POP4: variants seen among roughly 807,000 people sequenced by gnomAD.
POP4 encodes the protein POP4 ribonuclease P/MRP subunit, also known as ribonuclease P protein subunit p29.
POP4 carries 31 observed loss-of-function variants against 29.9 expected under a neutral mutation model. The ratio of observed to expected loss-of-function variants is 1.04; its 90% confidence interval spans 0.78 to 1.40. POP4 has a LOEUF of 1.40. POP4 is among the 40% of genes most tolerant of loss of function. POP4 has a pLI of 0.00. For synonymous variants in POP4, 110 were observed against 108.2 expected (o/e 1.02, Z -0.10); for missense variants, 286 against 282.7 (o/e 1.01, Z -0.08).
At chr19:29,614,256 G>A (rs899441676) in intron 6 of POP4, among the ~76,000 whole-genome samples, 12 of 152,220 alleles carry the variant, frequency 7.9e-5, no homozygotes, top group Non-Finnish European at 8.8e-5. Context: ...TAGGCCCCAG[G>A]AGAGGGCCTC....
chr19:29,613,934 A>C lies in POP4; in HGVS notation c.488A>C (p.His163Pro), dbSNP rs1971102180. Reference protein sequence around the residue: ...ITGILLQETKHIFKIITKEDR... With the variant: ...ITGILLQETKPIFKIITKEDR... ...GGAATCCTTCTACAGGAAACAAAGC[A>C]CATTTTCAAAATTATCACCAAAGAA... The change falls in exon 6 of 7, where the codon CAC (histidine) becomes CCC (proline). Residue 163 changes from histidine to proline, a missense_variant. Transcript: ENST00000585603. 6.2e-7 allele frequency: 1 copy of C among 1,613,832 alleles called. No homozygotes were observed. Among genetic ancestry groups the C allele is most frequent in the Non-Finnish European group, 8.5e-7 (1 of 1,179,924 alleles).
rs534631594 is a variant in POP4 at position 29,610,471 on chromosome 19, C to A, written c.123C>A (p.Arg41=). 2 of 1,604,962 alleles carry A rather than the reference C, an allele frequency of 1.2e-6. No homozygotes were observed. Among genetic ancestry groups the A allele is most frequent in the South Asian group, 2.2e-5 (2 of 89,840 alleles). ...CCTTCCTGAAGCGCAGCACGCCCCG[C>A]ATGAGCCCGCAGGCCCGCGAGGACC... ...VRAFLKRSTP[R]MSPQAREDQL... Residue 41 remains arginine (R), a synonymous_variant, in exon 3 of 7, where the codon CGC becomes CGA. Transcript: ENST00000585603.
In POP4 at chr19:29,611,923, G is replaced by A; in HGVS notation, c.346G>A (p.Gly116Arg). 1 of 1,614,070 alleles carries A rather than the reference G, an allele frequency of 6.2e-7. No homozygotes were observed. The highest frequency in any genetic ancestry group is 2.2e-5 in the East Asian group (1 of 44,890). The change falls in exon 4 of 7, where the codon GGG becomes AGG. Residue 116 changes from glycine to arginine, a missense_variant. Transcript: ENST00000585603. ...ACAGTACATCAGGGACCTGTGCAGT[G>A]GGCTCAAGCCAGACACGTAAGTTGC... is the stretch of plus-strand genomic sequence containing the variant. The part of the protein sequence containing the change: ...WKQYIRDLCS[G>R]LKPDTQPQMI...
chr19:29,607,887 A>C (rs1971018601), intron 1 of POP4, among the ~76,000 whole-genome samples: 1 of 152,224 alleles, frequency 6.6e-6, no homozygotes, highest in South Asian at 2.1e-4. Context: ...ATATCATATA[A>C]CTTTTAATGA....
Position 29,613,875 on chromosome 19 carries a change from A to G in POP4, c.429A>G (p.Thr143=). ...ADLHGAIISV[T]KSKCPSYVGI... Reference sequence around the variant, plus strand: ...AACTGTCCTTTTTCTTTGCAGTGACAAAATCCAAATGCCCCTCTTATGTGG... The same window carrying G: ...AACTGTCCTTTTTCTTTGCAGTGACGAAATCCAAATGCCCCTCTTATGTGG... The change falls in exon 6 of 7, where the codon ACA becomes ACG. Residue 143 remains threonine, a synonymous_variant. Transcript: ENST00000585603. 1.2e-6 allele frequency: 2 copies of G among 1,612,154 alleles called. No individual in the cohort carries two copies. Among genetic ancestry groups the G allele is most frequent in the Non-Finnish European group, 1.7e-6 (2 of 1,179,268 alleles).
Position 29,614,710 on chromosome 19 carries a change from G to T in POP4, c.527-534G>T, listed in dbSNP as rs534464310. 9.9e-5 allele frequency among the ~76,000 whole-genome samples: 15 copies of T among 152,100 alleles called. No individual in the cohort carries two copies. In the East Asian group the frequency reaches 2.5e-3, roughly 25 times the overall value. ...GTAGAGGCAGGGTTTCACCATGTTG[G>T]ACAGGCTGGTCTCAAACTCCTGAAC... On this transcript the variant is annotated intron_variant, in intron 6 of 6. Transcript: ENST00000585603.
At chr19:29,608,844 C>A in intron 2 of POP4, 135 bp downstream of exon 2, 1 of 848,818 alleles carries the variant, frequency 1.2e-6, no homozygotes, top group Non-Finnish European at 1.9e-6. Flanking sequence ...ACATCTAAGG[C>A]TGGATCAAAG....
Position 29,615,308 on chromosome 19 carries a change from G to A in POP4, c.591G>A (p.Gly197=), listed in dbSNP as rs899078416. The A allele has an allele frequency of 1.7e-5, 27 of 1,612,578 alleles. No homozygotes were observed. The highest frequency in any genetic ancestry group is 6.7e-5 in the African/African-American group (5 of 74,398). ...ATGGCTTTATTTCCTACATTTACGG[G>A]AGCAAATTCCAGCTTCGGTCAAGTG... ...ETDGFISYIY[G]SKFQLRSSER... Residue 197 remains glycine, a synonymous_variant, in exon 7 of 7, where the codon GGG becomes GGA. Coordinates refer to ENST00000585603, the MANE Select transcript of POP4 (RefSeq NM_006627.3).
intron 3 of POP4, 30 bp from the exon 4 acceptor site, chr19:29,611,832 A>T: frequency 6.3e-7 from 1 of 1,592,702 alleles, no homozygotes; most frequent in South Asian, 1.1e-5. Flanking sequence ...ATGTTGTCTA[A>T]CTTTTTCCCT....
chr19:29,609,486 A>G (rs1346565825), intron 2 of POP4, among the ~76,000 whole-genome samples: 1 of 152,228 alleles, frequency 6.6e-6, no homozygotes, highest in Non-Finnish European at 1.5e-5. Context: ...GAGCTCAGGA[A>G]ACAGCCCAGC....
At chr19:29,606,615 T>C (rs1252007687) in intron 1 of POP4, 4 of 355,394 alleles carry the variant, frequency 1.1e-5, no homozygotes, top group Non-Finnish European at 1.5e-5. Context: ...TTGGCCACTA[T>C]CTCCCGGGGT....
intron 6 of POP4, 106 bp downstream of exon 6, chr19:29,614,078 C>G (rs1024126875): frequency 3.4e-6 from 5 of 1,478,212 alleles, no homozygotes; most frequent in Non-Finnish European, 8.9e-7. Flanking sequence ...CTCAAGTCAG[C>G]GCAGATTGCA....
At chr19:29,614,862 T>C (rs1568295951) in intron 6 of POP4, among the ~76,000 whole-genome samples, 1 of 152,188 alleles carries the variant, frequency 6.6e-6, no homozygotes, top group Non-Finnish European at 1.5e-5. Flanking sequence ...TTCCTACATA[T>C]CCTTCTACCT....
rs61731483 is a variant in POP4, at chr19:29,613,964, G to T, written c.518G>T (p.Arg173Leu). ...TTCAAAATTATCACCAAAGAAGACC[G>T]CCTGAAAGGTATGTAGGTGTTTCTG... ...HIFKIITKED[R>L]LKVIPKLNCV... Residue 173 changes from arginine to leucine, a missense_variant, in exon 6 of 7, where the codon CGC becomes CTC. Transcript: ENST00000585603. 35,236 of 1,613,268 alleles carry T rather than the reference G, an allele frequency of 0.022. 490 individuals carry two copies. Among genetic ancestry groups the T allele is most frequent in the Non-Finnish European group, 0.027 (31,289 of 1,179,650 alleles).
At chr19:29,610,781 C>T (rs1971059177) in intron 3 of POP4, 149 bp downstream of exon 3, 1 of 760,986 alleles carries the variant, frequency 1.3e-6, no homozygotes, top group African/African-American at 1.8e-5. Context: ...CTTCCTTTAC[C>T]AATCTGGGCT....
chr19:29,612,267 A>G, intron 5 of POP4, 89 bp downstream of exon 5: 1 of 1,238,286 alleles, frequency 8.1e-7, no homozygotes, highest in South Asian at 1.5e-5. Flanking sequence ...TCTGTTGGAC[A>G]CACTCTTTAC....
intron 5 of POP4, among the ~76,000 whole-genome samples, 153 bp downstream of exon 5, chr19:29,612,331 G>A (rs962123183): frequency 1.3e-5 from 2 of 152,118 alleles, no homozygotes; most frequent in Non-Finnish European, 2.9e-5. Context: ...CGCTAAGGGT[G>A]GGAGATGCTT....
intron 3 of POP4, 33 bp downstream of exon 3, chr19:29,610,665 G>T (rs761083306): frequency 2.5e-6 from 4 of 1,599,748 alleles, no homozygotes; most frequent in South Asian, 1.1e-5. Flanking sequence ...TTCTGCCCGC[G>T]GTGCTTACCC....
In POP4 at chr19:29,615,247, T is replaced by C; in HGVS notation, c.530T>C (p.Ile177Thr). The C allele has an allele frequency of 6.8e-7, 1 of 1,470,662 alleles. No homozygotes were observed. Among genetic ancestry groups the C allele is most frequent in the Non-Finnish European group, 9.2e-7 (1 of 1,087,434 alleles). The allele number at this position is 1,470,662 out of a possible 1,614,324, so 91.1% of individuals were successfully genotyped here. A position where few individuals can be genotyped will look rare whatever the true frequency, so the allele number is the denominator to read the frequency against. The change falls in exon 7 of 7, where the codon ATC becomes ACC. Residue 177 changes from isoleucine to threonine, a missense_variant. Coordinates refer to ENST00000585603, the MANE Select transcript of POP4 (RefSeq NM_006627.3). ...CCTTTTTTTTTTTTTTTTTCAGTTA[T>C]CCCCAAGCTAAACTGCGTGTTCACT... Reference protein sequence around the residue: ...IITKEDRLKVIPKLNCVFTVE... With the variant: ...IITKEDRLKVTPKLNCVFTVE...
Sources: allele counts gnomAD v4.1 joint callset (sites outside exome capture counted in the v4.1 genomes callset), GRCh38; gene constraint gnomAD v4.1.1; transcripts MANE v1.5; gene names NCBI Gene and HGNC (gene_info 2026-07-23, HGNC 2026-07-21).